ZNF695: variants seen among roughly 807,000 people sequenced by gnomAD.
ZNF695 encodes the protein zinc finger protein SBZF3.
ZNF695 carries 11 observed loss-of-function variants against 11.2 expected under a neutral mutation model. That is an observed-to-expected ratio of 0.98 (90% confidence interval 0.62 to 1.62). ZNF695 has a LOEUF of 1.62. ZNF695 is among the 40% of genes most tolerant of loss of function. The pLI is 0.00. For missense variants in ZNF695, 559 were observed against 590.5 expected (o/e 0.95, Z 0.55); for synonymous variants, 190 against 201.4 (o/e 0.94, Z 0.48).
chr1:246,986,693 A>T lies in ZNF695; in HGVS notation c.*274T>A. 28 of 1,128,818 alleles carry T rather than the reference A, an allele frequency of 2.5e-5. No individual in the cohort carries two copies. In the Admixed American group the frequency reaches 3.1e-4, roughly 13 times the overall value. 69.9% of individuals were successfully genotyped at this position (1,128,818 alleles called of 1,614,324 possible). A position where few individuals can be genotyped will look rare whatever the true frequency, so the allele number is the denominator to read the frequency against. On this transcript the variant is annotated 3_prime_UTR_variant, in exon 4 of 4. Coordinates refer to ENST00000339986, the MANE Select transcript of ZNF695 (RefSeq NM_020394.5). ...TTTCTCTCCAATACAAAGTCTTTGA[A>T]ATTGAATACAGTTTGAGCAACTGGA... is the stretch of plus-strand genomic sequence containing the variant.
chr1:246,990,199 A>G (rs12563418), intron 3 of ZNF695, among the ~76,000 whole-genome samples: 19 of 4,312 alleles, frequency 4.4e-3, no homozygotes, highest in Non-Finnish European at 8.2e-3. Flanking sequence ...GGAAAAGAGA[A>G]AGAGAGAGAG....
At chr1:246,949,516 A>T (rs56006912) in intron 5 of ZNF695, among the ~76,000 whole-genome samples, 1 of 151,254 alleles carries the variant, frequency 6.6e-6, no homozygotes, top group African/African-American at 2.4e-5. Context: ...GCTTGAACCC[A>T]GGAGGTGGAG....
intron 5 of ZNF695, among the ~76,000 whole-genome samples, chr1:246,946,451 C>T (rs545144461): frequency 3.3e-5 from 5 of 152,356 alleles, no homozygotes; most frequent in African/African-American, 1.2e-4. Flanking sequence ...CATACCCTCT[C>T]GGACTTTTAC....
intron 4 of ZNF695, among the ~76,000 whole-genome samples, chr1:246,976,742 T>A (rs112828171): frequency 2.3e-4 from 35 of 152,148 alleles, no homozygotes; most frequent in African/African-American, 8.2e-4. Flanking sequence ...TGCAGTGTGC[T>A]GAGATCGCGC....
intron 4 of ZNF695, chr1:246,968,628 T>TACC (rs1668347426): frequency 6.6e-6 from 1 of 152,248 alleles, no homozygotes. Context: ...TAGTAGAGGT[T>TACC]CTCCACAAGG....
At chr1:246,975,711 T>C (rs1041605859) in intron 4 of ZNF695, among the ~76,000 whole-genome samples, 2 of 152,264 alleles carry the variant, frequency 1.3e-5, no homozygotes, top group East Asian at 1.9e-4. Flanking sequence ...AAGATTTTCA[T>C]TGACAGTAAG....
chr1:246,952,068 C>G (rs577846991), intron 5 of ZNF695, among the ~76,000 whole-genome samples: 1 of 152,196 alleles, frequency 6.6e-6, no homozygotes, highest in Admixed American at 6.6e-5. Context: ...CCCACCTCAG[C>G]CTCCTGAGTA....
chr1:246,952,528 A>G (rs1234932749), intron 5 of ZNF695, among the ~76,000 whole-genome samples: 1 of 149,944 alleles, frequency 6.7e-6, no homozygotes, highest in Admixed American at 6.7e-5. Context: ...TAGAATAAAT[A>G]ATGTTATGCT....
intron 2 of ZNF695, 129 bp from the exon 3 acceptor site, chr1:246,999,569 C>A: frequency 1.4e-6 from 1 of 723,080 alleles, no homozygotes; most frequent in Non-Finnish European, 2.2e-6. Flanking sequence ...TGTTTTCTGA[C>A]AGAACCTTTA....
At chr1:246,974,933 A>T (rs902506278) in intron 4 of ZNF695, among the ~76,000 whole-genome samples, 3 of 152,014 alleles carry the variant, frequency 2.0e-5, no homozygotes, top group Non-Finnish European at 4.4e-5. Context: ...ACTTCCTGTG[A>T]TTGGAAGGTC....
At position 246,987,200 on chromosome 1, in the gene ZNF695, C is replaced by G; in HGVS notation, c.1315G>C (p.Asp439His). ...CAGTTAAAAGCTTTGCCACATTCAT[C>G]ACATTTGTAGGGTTTCTCTCCAGTA... ...IHTGEKPYKCDECGKAFNWFS... is the reference protein window; with the variant it reads ...IHTGEKPYKCHECGKAFNWFS... The change falls in exon 4 of 4, where the codon GAT becomes CAT. Residue 439 changes from aspartate (D) to histidine (H), a missense_variant. Transcript: ENST00000339986. 6.2e-7 allele frequency: 1 copy of G among 1,613,738 alleles called. No homozygotes were observed.
At chr1:246,959,024 C>G (rs1287520719) in intron 5 of ZNF695, among the ~76,000 whole-genome samples, 1 of 151,750 alleles carries the variant, frequency 6.6e-6, no homozygotes, top group Non-Finnish European at 1.5e-5. Flanking sequence ...TGCGTTGGCT[C>G]ACACCTGTAA....
intron 5 of ZNF695, chr1:246,945,947 C>CA (rs1667723861): frequency 1.6e-6 from 2 of 1,288,198 alleles, no homozygotes. Context: ...AGAAGTCTGT[C>CA]TGTCCCTTGC....
chr1:246,995,102 C>T (rs905785190), intron 3 of ZNF695, among the ~76,000 whole-genome samples: 1 of 152,100 alleles, frequency 6.6e-6, no homozygotes, highest in Admixed American at 6.6e-5. Flanking sequence ...CTAGAGAACA[C>T]CCTAAACAAC....
At position 246,999,919 on chromosome 1, in the gene ZNF695, T is replaced by C. The variant is rs1409702424; in HGVS notation, c.159A>G (p.Leu53=). ...LGEDSFNMQF[L]FHSLAMSKPE... Reference sequence around the variant, plus strand: ...AAAAGATGAAATCCTTACTGTGAAATAGGAATTGCATATTGAAGCTATCCT... The same window carrying C: ...AAAAGATGAAATCCTTACTGTGAAACAGGAATTGCATATTGAAGCTATCCT... The change falls in exon 2 of 4, where the codon CTA becomes CTG. Residue 53 remains leucine, a synonymous_variant. Transcript: ENST00000339986. The C allele has an allele frequency of 3.1e-6, 5 of 1,613,784 alleles. No homozygotes were observed. The highest frequency in any genetic ancestry group is 2.2e-5 in the East Asian group (1 of 44,884).
chr1:247,005,270 G>GA (rs1361673069), intron 1 of ZNF695, among the ~76,000 whole-genome samples: 1 of 152,138 alleles, frequency 6.6e-6, no homozygotes, highest in East Asian at 1.9e-4. Flanking sequence ...AAAGAACCAA[G>GA]AAAAAAATCC....
At chr1:246,962,844 C>T (rs572473374) in intron 5 of ZNF695, among the ~76,000 whole-genome samples, 20 of 152,242 alleles carry the variant, frequency 1.3e-4, no homozygotes, top group Admixed American at 6.5e-4. Flanking sequence ...AGGCACCCGC[C>T]ACCACGCCCG....
At chr1:246,951,249 A>T (rs572471203) in intron 5 of ZNF695, among the ~76,000 whole-genome samples, 1 of 152,198 alleles carries the variant, frequency 6.6e-6, no homozygotes, top group Non-Finnish European at 1.5e-5. Context: ...TCCTACCCCC[A>T]GTATCTCAGA....
intron 5 of ZNF695, among the ~76,000 whole-genome samples, chr1:246,952,611 A>C (rs929724883): frequency 6.6e-6 from 1 of 150,942 alleles, no homozygotes; most frequent in African/African-American, 2.4e-5. Context: ...CAGTGGTGCA[A>C]TCACAGCTTA....
Sources: gnomAD v4.1 joint callset for allele counts (sites outside exome capture counted in the v4.1 genomes callset) on GRCh38, gnomAD v4.1.1 for gene constraint, MANE v1.5 for transcripts, NCBI Gene and HGNC (gene_info 2026-07-23, HGNC 2026-07-21) for gene names.